The following PACRG variants were observed in gnomAD, a reference collection of about 807,000 sequenced individuals.
The protein encoded by PACRG is parkin coregulated.
PACRG carries 29 observed loss-of-function variants against 29.7 expected under a neutral mutation model. The ratio of observed to expected loss-of-function variants is 0.98; its 90% CI spans 0.73 to 1.33. The LOEUF (loss-of-function observed/expected upper bound fraction) is 1.33. PACRG is among the 40% of genes most tolerant of loss of function. PACRG has a pLI of 0.00. For missense variants in PACRG, 279 were observed against 316.2 expected, an observed-to-expected ratio of 0.88 and a Z score of 0.89; for synonymous variants, 116 against 118.7, an observed-to-expected ratio of 0.98 and a Z score of 0.15.
chr6:162,976,398 G>C (rs567414616), intron 2 of PACRG, among the ~76,000 whole-genome samples: 1 of 152,172 alleles, frequency 6.6e-6, no homozygotes, highest in Non-Finnish European at 1.5e-5. Flanking sequence ...AGGTGGGAGG[G>C]AGATAGAAAT....
intron 3 of PACRG, among the ~76,000 whole-genome samples, chr6:163,078,909 C>T (rs1297076741): frequency 6.6e-6 from 1 of 151,838 alleles, no homozygotes; most frequent in African/African-American, 2.4e-5. Flanking sequence ...TGCTGTGCCG[C>T]TTTGAACATT....
At chr6:162,924,455 G>C (rs1023537794) in intron 2 of PACRG, among the ~76,000 whole-genome samples, 4 of 152,020 alleles carry the variant, frequency 2.6e-5, no homozygotes, top group Admixed American at 2.6e-4. Flanking sequence ...GGGCATCCTT[G>C]TCTTGTTCCA....
intron 3 of PACRG, among the ~76,000 whole-genome samples, chr6:163,074,715 A>C (rs1480904261): frequency 6.6e-6 from 1 of 152,232 alleles, no homozygotes; most frequent in Admixed American, 6.5e-5. Flanking sequence ...TAAAGCAAAA[A>C]TAAATTAAAA....
intron 2 of PACRG, among the ~76,000 whole-genome samples, chr6:163,037,501 T>A (rs1808313240): frequency 6.6e-6 from 1 of 152,232 alleles, no homozygotes; most frequent in Non-Finnish European, 1.5e-5. Context: ...GGTTTGTGGG[T>A]GCTGGCTGAC....
At chr6:162,950,322 C>G (rs1461752704) in intron 2 of PACRG, among the ~76,000 whole-genome samples, 5 of 151,942 alleles carry the variant, frequency 3.3e-5, no homozygotes, top group Non-Finnish European at 7.4e-5. Flanking sequence ...ACGGTGAAAC[C>G]CCGTCTCTAC....
intron 2 of PACRG, among the ~76,000 whole-genome samples, chr6:162,879,041 G>T (rs999655552): frequency 2.0e-5 from 3 of 152,092 alleles, no homozygotes; most frequent in African/African-American, 7.2e-5. Context: ...GAATCTCATG[G>T]TGTTTCAATA....
At chr6:162,903,530 A>G (rs1010353658) in intron 2 of PACRG, among the ~76,000 whole-genome samples, 4 of 152,028 alleles carry the variant, frequency 2.6e-5, no homozygotes, top group Non-Finnish European at 4.4e-5. Flanking sequence ...GAGAATGAGA[A>G]CCAAGTGAAA....
chr6:163,159,234 G>T (rs955289926), intron 4 of PACRG, among the ~76,000 whole-genome samples: 2 of 148,916 alleles, frequency 1.3e-5, no homozygotes, highest in Admixed American at 6.6e-5. Flanking sequence ...AGAGTTTAAA[G>T]TTTCATTTTA....
chr6:163,187,398 TG>T (rs1779994774), intron 4 of PACRG, among the ~76,000 whole-genome samples: 1 of 152,064 alleles, frequency 6.6e-6, no homozygotes, highest in Admixed American at 6.5e-5. Flanking sequence ...GCCTTTCCAG[TG>T]GCTCAGGACT....
chr6:163,118,002 T>C (rs1307836476), intron 4 of PACRG, among the ~76,000 whole-genome samples: 1 of 152,164 alleles, frequency 6.6e-6, no homozygotes, highest in East Asian at 1.9e-4. Flanking sequence ...GACTTAAGCA[T>C]TCCGTCTTAA....
chr6:162,825,926 T>C (rs1315022850), intron 2 of PACRG, among the ~76,000 whole-genome samples: 1 of 151,788 alleles, frequency 6.6e-6, no homozygotes, highest in African/African-American at 2.4e-5. Flanking sequence ...AGAATGGCTA[T>C]GCATTTATTT....
At chr6:162,818,793 T>G (rs2128371084) in intron 2 of PACRG, among the ~76,000 whole-genome samples, 1 of 152,226 alleles carries the variant, frequency 6.6e-6, no homozygotes. Flanking sequence ...GACGGTCTTG[T>G]TTTCCACTAA....
intron 2 of PACRG, among the ~76,000 whole-genome samples, chr6:162,975,345 T>A (rs912953930): frequency 6.6e-6 from 1 of 152,194 alleles, no homozygotes; most frequent in African/African-American, 2.4e-5. Context: ...TTAGTATGTA[T>A]TACAACTTGC....
At chr6:162,781,142 G>GA (rs566452505) in intron 1 of PACRG, among the ~76,000 whole-genome samples, 164 of 151,912 alleles carry the variant, frequency 1.1e-3, no homozygotes, top group African/African-American at 3.9e-3. Flanking sequence ...AACAGACATA[G>GA]AAAAAATGAC....
chr6:163,084,138 T>C (rs1813325211), intron 3 of PACRG, among the ~76,000 whole-genome samples: 1 of 152,214 alleles, frequency 6.6e-6, no homozygotes, highest in Non-Finnish European at 1.5e-5. Context: ...TGTTGATCTA[T>C]AATGTCAGTA....
chr6:163,040,594 C>T (rs2128236591), intron 2 of PACRG, among the ~76,000 whole-genome samples: 1 of 152,370 alleles, frequency 6.6e-6, no homozygotes, highest in South Asian at 2.1e-4. Context: ...AGGGGTGGAG[C>T]TGCCTAAGGC....
At chr6:163,028,280 T>C (rs1807334468) in intron 2 of PACRG, among the ~76,000 whole-genome samples, 2 of 152,242 alleles carry the variant, frequency 1.3e-5, no homozygotes, top group Non-Finnish European at 2.9e-5. Context: ...GCCTGTCTTT[T>C]TTTCTGCTTA....
At chr6:163,305,348 G>C (rs551107286) in intron 4 of PACRG, among the ~76,000 whole-genome samples, 138 of 152,282 alleles carry the variant, frequency 9.1e-4, no homozygotes, top group Non-Finnish European at 1.6e-3. Context: ...TACTTGGAAG[G>C]TTCCTCCTTT....
intron 4 of PACRG, among the ~76,000 whole-genome samples, chr6:163,163,487 G>A (rs1778653378): frequency 6.6e-6 from 1 of 152,158 alleles, no homozygotes; most frequent in South Asian, 2.1e-4. Context: ...GGCCAGGCTG[G>A]TCTCAAACTC....
Sources: allele counts gnomAD v4.1 joint callset (sites outside exome capture counted in the v4.1 genomes callset), GRCh38; gene constraint gnomAD v4.1.1; transcripts MANE v1.5; gene names NCBI Gene and HGNC (gene_info 2026-07-23, HGNC 2026-07-21).